Variants in TBC1D26 observed in about 807,000 individuals in gnomAD.
TBC1D26 encodes TBC1 domain family member 26.
A neutral mutation model predicts 42.5 loss-of-function variants in TBC1D26; 19 were observed. That is an observed-to-expected ratio of 0.45 (90% CI 0.31 to 0.66). The LOEUF is 0.66. Among genes scored for constraint, TBC1D26 ranks in the 30% least tolerant of loss-of-function variants. The pLI is 0.06. For missense variants in TBC1D26, 228 were observed against 332.6 expected (o/e 0.69, Z 2.45); for synonymous variants, 97 against 123.5 (o/e 0.79, Z 1.42).
At chr17:15,739,792 C>T (rs2529971) in intron 8 of TBC1D26, among the ~76,000 whole-genome samples, 9 of 152,294 alleles carry the variant, frequency 5.9e-5, no homozygotes, top group Non-Finnish European at 1.2e-4. Context: ...TAGTTCAGAA[C>T]CGTGGAACTG....
chr17:15,739,336 C>T (rs1967708893), intron 8 of TBC1D26, among the ~76,000 whole-genome samples: 1 of 152,120 alleles, frequency 6.6e-6, no homozygotes, highest in African/African-American at 2.4e-5. Context: ...CAAAGTGTGA[C>T]AGATATTGGC....
chr17:15,740,748 T>A, intron 9 of TBC1D26: 1 of 1,058,250 alleles, frequency 9.4e-7, no homozygotes, highest in Non-Finnish European at 1.2e-6. Context: ...TTTTGTGTGG[T>A]GGTCAGCGCC....
At chr17:15,740,961 G>A in intron 9 of TBC1D26, 161 bp from the exon 10 acceptor site, 3 of 919,592 alleles carry the variant, frequency 3.3e-6, no homozygotes, top group South Asian at 3.2e-5. Context: ...CAGTCCTCAT[G>A]TCCAGTGCCA....
intron 10 of TBC1D26, 137 bp from the exon 11 acceptor site, chr17:15,741,805 C>T: frequency 1.3e-6 from 1 of 762,982 alleles, no homozygotes; most frequent in Non-Finnish European, 2.1e-6. Context: ...AGGGCTGAGG[C>T]TACATGCTGG....
chr17:15,739,800 C>G (rs1198528183), intron 8 of TBC1D26, among the ~76,000 whole-genome samples: 1 of 152,270 alleles, frequency 6.6e-6, no homozygotes, highest in African/African-American at 2.4e-5. Flanking sequence ...AACCGTGGAA[C>G]TGCACGTCCC....
At chr17:15,735,282 G>C in intron 2 of TBC1D26, 66 bp from the exon 3 acceptor site, 1 of 1,111,372 alleles carries the variant, frequency 9.0e-7, no homozygotes. Context: ...AGTGCAGTGC[G>C]TGTGGTTTGG....
At chr17:15,734,859 G>A (rs1278126083) in intron 1 of TBC1D26, 71 bp from the exon 2 acceptor site, 1 of 179,230 alleles carries the variant, frequency 5.6e-6, no homozygotes, top group Non-Finnish European at 1.2e-5. Context: ...TTCCTGAAGC[G>A]GCTTCACTGG....
intron 14 of TBC1D26, among the ~76,000 whole-genome samples, 199 bp from the exon 15 acceptor site, chr17:15,744,044 G>T (rs1597759675): frequency 6.6e-6 from 1 of 152,076 alleles, no homozygotes; most frequent in South Asian, 2.1e-4. Flanking sequence ...AGAGGCTTCA[G>T]ATTCGAAGAT....
chr17:15,735,190 CAG>C, intron 2 of TBC1D26, 120 bp downstream of exon 2: 1 of 823,106 alleles, frequency 1.2e-6, no homozygotes, highest in South Asian at 1.7e-5. Flanking sequence ...GAGATCTAGT[CAG>C]GGGTGGGACC....
rs780090355 is a variant in TBC1D26, at chr17:15,744,614, C to A, written c.*22C>A. ...CTGACACCCTCTCTTCGGCTGCCTG[C>A]GTTAGGAAGGGAGAACCTGCCAGTT... On this transcript the variant is annotated 3_prime_UTR_variant, in exon 15 of 15. Coordinates refer to ENST00000437605, the MANE Select transcript of TBC1D26 (RefSeq NM_001388465.1). The A allele has an allele frequency of 2.0e-5, 3 of 152,076 alleles. No homozygotes were observed. The allele number at this position is 152,076 out of a possible 1,614,324, so 9.4% of individuals were successfully genotyped here.
intron 4 of TBC1D26, among the ~76,000 whole-genome samples, chr17:15,736,778 G>A (rs1471467504): frequency 6.6e-6 from 1 of 152,282 alleles, no homozygotes; most frequent in Non-Finnish European, 1.5e-5. Context: ...GCAGTGCTGG[G>A]CAGCCCAGTC....
intron 1 of TBC1D26, among the ~76,000 whole-genome samples, chr17:15,734,272 G>A (rs1264814292): frequency 6.6e-6 from 1 of 151,992 alleles, no homozygotes; most frequent in Non-Finnish European, 1.5e-5. Flanking sequence ...GGTCCTGGAA[G>A]AGCCACTGGG....
At chr17:15,741,920 T>G in intron 10 of TBC1D26, 22 bp from the exon 11 acceptor site, 1 of 1,612,070 alleles carries the variant, frequency 6.2e-7, no homozygotes, top group Admixed American at 1.7e-5. Context: ...TCTGATGGGG[T>G]GATGGGTCGC....
rs372688897 is a variant in TBC1D26 at position 15,743,550 on chromosome 17, C to T, written c.1057+34C>T. On this transcript the variant is annotated intron_variant, in intron 14 of 14. Coordinates refer to ENST00000437605, the MANE Select transcript of TBC1D26 (RefSeq NM_001388465.1). ...TAGCACCAGGTACCCTCTGGAGTCA[C>T]CCTCTGGGGCAGTCAATGGTGGGGA... The T allele has an allele frequency of 2.9e-5, 27 of 925,588 alleles. 1 individual carries two copies. The East Asian group carries it at 1.2e-3, about 43-fold the overall frequency. 57.3% of individuals were successfully genotyped at this position (925,588 alleles called of 1,614,324 possible).
chr17:15,737,978 A>G lies in TBC1D26; in HGVS notation c.199-19A>G, dbSNP rs1287848182. On this transcript the variant is annotated intron_variant, in intron 5 of 14. Transcript: ENST00000437605. The stretch of plus-strand genomic sequence containing the variant: ...GACGCCTGGCAGCTCCGCTAACTCC[A>G]TCATGGCTCATTTGACAGCAAAGAC... 2 of 1,613,984 alleles carry G rather than the reference A, an allele frequency of 1.2e-6. No individual in the cohort carries two copies. Among genetic ancestry groups the G allele is most frequent in the East Asian group, 2.2e-5 (1 of 44,868 alleles).
Position 15,735,659 on chromosome 17 carries a change from C to G in TBC1D26, c.138C>G (p.Thr46=), listed in dbSNP as rs1306888134. ...GHEQVDVRKY[T]NNLGIVHEME... The stretch of plus-strand genomic sequence containing the variant: ...AGCAGGTTGATGTCAGAAAATACAC[C>G]AATAACCTCGGGATTGTGCAGTAAG... The change falls in exon 4 of 15, where the codon ACC becomes ACG. Residue 46 remains threonine, a synonymous_variant. Transcript: ENST00000437605. The G allele has an allele frequency of 2.9e-6, 2 of 700,074 alleles. No homozygotes were observed. The highest frequency in any genetic ancestry group is 2.6e-5 in the Admixed American group (1 of 37,858). 43.4% of individuals were successfully genotyped at this position (700,074 alleles called of 1,614,324 possible).
rs368471151 is a variant in TBC1D26 at position 15,738,038 on chromosome 17, G to A, written c.240G>A (p.Lys80=). The A allele has an allele frequency of 7.4e-6, 12 of 1,614,220 alleles. No homozygotes were observed. Among genetic ancestry groups the A allele is most frequent in the Non-Finnish European group, 1.0e-5 (12 of 1,180,046 alleles). Residue 80 remains lysine (K), a synonymous_variant, in exon 6 of 15, where the codon AAG becomes AAA. Coordinates refer to ENST00000437605, the MANE Select transcript of TBC1D26 (RefSeq NM_001388465.1). ...GTAAACGTACCAACAAGTGGCAAAA[G>A]ATGCTTGCAGACTGGACAAAATATA... ...KESKRTNKWQ[K]MLADWTKYRS...
At chr17:15,741,696 C>T (rs1274035289) in intron 10 of TBC1D26, 7 of 545,642 alleles carry the variant, frequency 1.3e-5, no homozygotes, top group Admixed American at 3.3e-5. Context: ...CTGTTCTCCC[C>T]GCTGGCGCCT....
In TBC1D26 at chr17:15,735,061, G is replaced by A. The variant is rs1967573225; in HGVS notation, c.-11G>A. 1 of 493,312 alleles carries A rather than the reference G, an allele frequency of 2.0e-6. No homozygotes were observed. Among genetic ancestry groups the A allele is most frequent in the Non-Finnish European group, 3.6e-6 (1 of 277,146 alleles). The allele number at this position is 493,312 out of a possible 1,614,324, so 30.6% of individuals were successfully genotyped here. A position where few individuals can be genotyped will look rare whatever the true frequency, so the allele number is the denominator to read the frequency against. On this transcript the variant is annotated 5_prime_UTR_variant, in exon 2 of 15. Coordinates refer to ENST00000437605, the MANE Select transcript of TBC1D26 (RefSeq NM_001388465.1). The stretch of plus-strand genomic sequence containing the variant: ...TCAGCAAGTGGACGCCGTTTGTCCT[G>A]CCAGGGCAGGTGTGTGTCTGCCTTG...
Sources: allele counts gnomAD v4.1 joint callset (sites outside exome capture counted in the v4.1 genomes callset), GRCh38; gene constraint gnomAD v4.1.1; transcripts MANE v1.5; gene names NCBI Gene and HGNC (gene_info 2026-07-23, HGNC 2026-07-21).